Variants in SEMA3A observed in about 807,000 individuals in gnomAD.
The protein encoded by SEMA3A is semaphorin 3A.
SEMA3A carries 29 observed loss-of-function variants against 97.9 expected under a neutral mutation model. That is an observed-to-expected ratio of 0.30 (90% CI 0.22 to 0.40). SEMA3A has a LOEUF of 0.40. Among genes scored for constraint, SEMA3A ranks in the 10% least tolerant of loss-of-function variants. The pLI is 1.00. For synonymous variants in SEMA3A, 321 were observed against 323.7 expected, an observed-to-expected ratio of 0.99 and a Z score of 0.09; for missense variants, 763 against 951.3, an observed-to-expected ratio of 0.80 and a Z score of 2.60.
intron 1 of SEMA3A, among the ~76,000 whole-genome samples, chr7:84,409,943 T>G (rs918084290): frequency 1.3e-5 from 2 of 152,144 alleles, no homozygotes; most frequent in Admixed American, 1.3e-4. Context: ...CTGAAATAAA[T>G]GTAAATTTTA....
At chr7:84,299,313 T>TAC (rs1800946228) in intron 3 of SEMA3A, among the ~76,000 whole-genome samples, 1 of 135,424 alleles carries the variant, frequency 7.4e-6, no homozygotes, top group Non-Finnish European at 1.7e-5. Flanking sequence ...TATCTCCATA[T>TAC]ATATATATAT....
intron 1 of SEMA3A, among the ~76,000 whole-genome samples, chr7:84,160,580 A>C (rs1796999456): frequency 6.6e-6 from 1 of 151,648 alleles, no homozygotes; most frequent in Non-Finnish European, 1.5e-5. Flanking sequence ...ACAAACAAAC[A>C]AAAAAATTCC....
intron 1 of SEMA3A, among the ~76,000 whole-genome samples, chr7:84,462,109 A>T (rs1014962045): frequency 6.6e-6 from 1 of 152,146 alleles, no homozygotes; most frequent in Non-Finnish European, 1.5e-5. Flanking sequence ...ATAATGTCTC[A>T]TACAAGACTA....
At chr7:84,182,061 GC>G (rs954739204) in intron 1 of SEMA3A, among the ~76,000 whole-genome samples, 1 of 152,004 alleles carries the variant, frequency 6.6e-6, no homozygotes, top group African/African-American at 2.4e-5. Context: ...TTAGACAAAA[GC>G]CCCTTTAAGT....
In SEMA3A at chr7:83,993,379, G is replaced by T. The variant is rs554298379; in HGVS notation, c.1453-7902C>A. Among the ~76,000 whole-genome samples, 655 of 151,350 alleles carry T rather than the reference G, an allele frequency of 4.3e-3. 4 individuals are homozygous for T. The highest frequency in any genetic ancestry group is 0.015 in the African/African-American group (631 of 40,936). On this transcript the variant is annotated intron_variant, in intron 12 of 16. Transcript: ENST00000265362. Reference sequence around the variant, plus strand: ...CATTATGATGTTACCTGGTTATTTTGCTCGTTAGTTGATGCAGTTTCTTCC... The same window carrying T: ...CATTATGATGTTACCTGGTTATTTTTCTCGTTAGTTGATGCAGTTTCTTCC...
intron 3 of SEMA3A, among the ~76,000 whole-genome samples, chr7:84,252,565 T>C (rs911317922): frequency 2.6e-5 from 4 of 152,202 alleles, no homozygotes; most frequent in Non-Finnish European, 5.9e-5. Context: ...TTCCCAATGC[T>C]TGAAAGACAT....
chr7:83,972,674 T>A (rs3801586), intron 15 of SEMA3A, among the ~76,000 whole-genome samples: 2 of 152,082 alleles, frequency 1.3e-5, no homozygotes, highest in South Asian at 4.1e-4. Context: ...TTATAACTTT[T>A]GGAATAAAAA....
intron 5 of SEMA3A, among the ~76,000 whole-genome samples, chr7:84,052,986 G>C (rs1792753595): frequency 6.6e-6 from 1 of 150,704 alleles, no homozygotes. Flanking sequence ...TAGTCATTCA[G>C]GAGCAGGTTG....
At chr7:84,272,575 A>G (rs550659613) in intron 3 of SEMA3A, among the ~76,000 whole-genome samples, 2 of 152,070 alleles carry the variant, frequency 1.3e-5, no homozygotes, top group Non-Finnish European at 2.9e-5. Flanking sequence ...AGCATCTAGG[A>G]CCTTCTTAAA....
chr7:84,300,719 A>T (rs1800988551), intron 3 of SEMA3A, among the ~76,000 whole-genome samples: 1 of 152,120 alleles, frequency 6.6e-6, no homozygotes, highest in Admixed American at 6.5e-5. Flanking sequence ...ACTTGACTGA[A>T]TTGAAGGAAG....
intron 1 of SEMA3A, among the ~76,000 whole-genome samples, chr7:84,166,806 C>CA (rs1477984734): frequency 1.4e-5 from 2 of 143,852 alleles, no homozygotes; most frequent in East Asian, 4.3e-4. Flanking sequence ...ACTTGGAGGG[C>CA]AGAGGCTGCA....
At chr7:83,969,274 C>T (rs1023463378) in intron 15 of SEMA3A, among the ~76,000 whole-genome samples, 1 of 152,230 alleles carries the variant, frequency 6.6e-6, no homozygotes, top group African/African-American at 2.4e-5. Flanking sequence ...TATTGAGAAT[C>T]CAAATGAAGA....
chr7:84,100,154 A>G (rs1057251131), intron 4 of SEMA3A, among the ~76,000 whole-genome samples: 1 of 152,106 alleles, frequency 6.6e-6, no homozygotes, highest in African/African-American at 2.4e-5. Flanking sequence ...TCCAAATTCC[A>G]GTTAGAATAA....
At chr7:84,014,188 G>GTTTTTTTT in intron 7 of SEMA3A, 21 bp downstream of exon 7, 1 of 1,551,056 alleles carries the variant, frequency 6.4e-7, no homozygotes, top group Non-Finnish European at 8.8e-7. Flanking sequence ...ATCCTTCTCA[G>GTTTTTTTT]TTTTTTTTTC....
chr7:84,330,832 G>A (rs2115947488), intron 2 of SEMA3A, among the ~76,000 whole-genome samples: 1 of 152,146 alleles, frequency 6.6e-6, no homozygotes, highest in African/African-American at 2.4e-5. Context: ...GATAAGAATG[G>A]TTTGGATTTT....
intron 2 of SEMA3A, among the ~76,000 whole-genome samples, chr7:84,325,869 T>C (rs547715226): frequency 6.6e-6 from 1 of 152,230 alleles, no homozygotes; most frequent in African/African-American, 2.4e-5. Flanking sequence ...TTGTTCATCT[T>C]GTAAGAGAAC....
rs376001901 is a variant in SEMA3A at position 84,194,465 on chromosome 7, T to C, written c.112+10A>G. On this transcript the variant is annotated intron_variant, in intron 1 of 16. Coordinates refer to ENST00000265362, the MANE Select transcript of SEMA3A (RefSeq NM_006080.3). The stretch of plus-strand genomic sequence containing the variant: ...CAAAGCTAACCAAATAAAAGAAAAA[T>C]AAGATTTACCTTTGTAGGATAATTT... 9 of 1,562,974 alleles carry C rather than the reference T, an allele frequency of 5.8e-6. No individual in the cohort carries two copies. In the African/African-American group the frequency reaches 8.2e-5, roughly 14 times the overall value.
intron 1 of SEMA3A, among the ~76,000 whole-genome samples, chr7:84,139,209 T>C (rs536815785): frequency 1.3e-4 from 20 of 152,200 alleles, no homozygotes; most frequent in Non-Finnish European, 2.4e-4. Flanking sequence ...ACAACAATTG[T>C]TGTTTTTAAA....
intron 1 of SEMA3A, among the ~76,000 whole-genome samples, chr7:84,373,676 A>C (rs529116954): frequency 6.6e-6 from 1 of 152,232 alleles, no homozygotes; most frequent in Non-Finnish European, 1.5e-5. Context: ...ACAACCAAGG[A>C]TATAAGCCCA....
Sources: allele counts gnomAD v4.1 joint callset (sites outside exome capture counted in the v4.1 genomes callset), GRCh38; gene constraint gnomAD v4.1.1; transcripts MANE v1.5; gene names NCBI Gene and HGNC (gene_info 2026-07-23, HGNC 2026-07-21).